Variants in PITRM1 observed in about 807,000 individuals in gnomAD.
The protein encoded by PITRM1 is presequence protease, mitochondrial.
PITRM1 carries 100 observed loss-of-function variants against 129.9 expected under a neutral mutation model. That is an observed-to-expected ratio of 0.77 (90% confidence interval 0.65 to 0.91). The LOEUF is 0.91. PITRM1 is among the 40% of genes least tolerant of loss of function. The probability of loss-of-function intolerance (pLI) is 0.00; values close to 1 mark genes in which losing one functional copy is unlikely to be tolerated. For synonymous variants in PITRM1, 591 were observed against 508.8 expected, an observed-to-expected ratio of 1.16 and a Z score of -2.17; for missense variants, 1,471 against 1,318.3, an observed-to-expected ratio of 1.12 and a Z score of -1.79.
chr10:3,145,697 G>C lies in PITRM1; in HGVS notation c.2356C>G (p.Pro786Ala). 5.8e-6 allele frequency: 9 copies of C among 1,550,492 alleles called. No homozygotes were observed. The highest frequency in any genetic ancestry group is 7.9e-6 in the Non-Finnish European group (9 of 1,145,836). Residue 786 changes from proline to alanine, a missense_variant, in exon 21 of 27, where the codon CCT becomes GCT. Transcript: ENST00000224949. ...DNMRCSVNAT[P>A]QQMPQTEKAV... ...TTTTCTGTCTGAGGCATCTGCTGAG[G>C]AGTCGCATTCACTGAACACCTGTTT...
At chr10:3,155,352 G>A (rs1231429649) in intron 14 of PITRM1, among the ~76,000 whole-genome samples, 1 of 152,212 alleles carries the variant, frequency 6.6e-6, no homozygotes, top group Non-Finnish European at 1.5e-5. Context: ...TACAAAATCT[G>A]TAAAATAAAT....
intron 23 of PITRM1, among the ~76,000 whole-genome samples, 157 bp from the exon 24 acceptor site, chr10:3,140,969 G>T (rs1303720536): frequency 6.6e-6 from 1 of 152,182 alleles, no homozygotes; most frequent in Non-Finnish European, 1.5e-5. Context: ...AAGAGATGGG[G>T]TCTCGCTCTG....
At chr10:3,158,280 A>G in intron 10 of PITRM1, 127 bp from the exon 11 acceptor site, 1 of 646,458 alleles carries the variant, frequency 1.5e-6, no homozygotes, top group South Asian at 1.7e-5. Context: ...AAAGCTCATT[A>G]AAGCAGTGTT....
chr10:3,161,659 TGTGC>T (rs1215589311), intron 7 of PITRM1, among the ~76,000 whole-genome samples: 1 of 143,000 alleles, frequency 7.0e-6, no homozygotes, highest in Admixed American at 7.3e-5. Context: ...AGGGCCCGGC[TGTGC>T]GTGCATTAGG....
chr10:3,144,495 A>G, intron 21 of PITRM1, 129 bp from the exon 22 acceptor site: 2 of 608,408 alleles, frequency 3.3e-6, no homozygotes, highest in South Asian at 4.2e-5. Context: ...TGTTTTAAAT[A>G]ATAAACGCTT....
At position 3,158,074 on chromosome 10, in the gene PITRM1, T is replaced by G; in HGVS notation, c.1216A>C (p.Ser406Arg). The G allele has an allele frequency of 1.2e-6, 2 of 1,610,938 alleles. No individual in the cohort carries two copies. Among genetic ancestry groups the G allele is most frequent in the Non-Finnish European group, 1.7e-6 (2 of 1,177,090 alleles). ...TCATCAATCGTTCTGTCTATGAGGC[T>G]TCTGACGGTCTCAATGTCTTTCTCC... ...IAEKDIETVRSLIDRTIDEVV... is the reference protein window; with the variant it reads ...IAEKDIETVRRLIDRTIDEVV... The change falls in exon 11 of 27, where the codon AGC becomes CGC. Residue 406 changes from serine to arginine, a missense_variant. Coordinates refer to ENST00000224949, the MANE Select transcript of PITRM1 (RefSeq NM_014889.4).
chr10:3,138,859 C>T (rs759220383), intron 25 of PITRM1, 45 bp downstream of exon 25: 2 of 1,598,928 alleles, frequency 1.3e-6, no homozygotes, highest in Non-Finnish European at 1.7e-6. Context: ...GCAACGTCAT[C>T]TGTGAGGCTG....
chr10:3,138,425 C>A (rs1839810840), intron 25 of PITRM1, 88 bp from the exon 26 acceptor site: 5 of 841,030 alleles, frequency 5.9e-6, no homozygotes, highest in East Asian at 2.5e-5. Context: ...GGGACACAGG[C>A]ATCTCACTGT....
chr10:3,160,086 G>T, intron 8 of PITRM1, 118 bp downstream of exon 8: 3 of 1,287,952 alleles, frequency 2.3e-6, no homozygotes, highest in Non-Finnish European at 3.3e-6. Context: ...AGCTTGAAAA[G>T]CTCTCCCATA....
At chr10:3,164,398 G>C (rs1243658784) in intron 6 of PITRM1, 1 of 152,402 alleles carries the variant, frequency 6.6e-6, no homozygotes, top group Non-Finnish European at 1.5e-5. Context: ...GGGACATGAA[G>C]ACATGGGCCC....
intron 2 of PITRM1, 48 bp downstream of exon 2, chr10:3,170,056 C>T (rs1446093758): frequency 2.1e-6 from 3 of 1,398,082 alleles, no homozygotes; most frequent in African/African-American, 1.4e-5. Context: ...AGAAGCCGCA[C>T]CTGCAATGTA....
In PITRM1 at chr10:3,147,690, G is replaced by A. The variant is rs1030843434; in HGVS notation, c.2117C>T (p.Thr706Ile). ...EEHFKVLVKMTAQELANGIPD... is the reference protein window; with the variant it reads ...EEHFKVLVKMIAQELANGIPD... ...AATTCCATTGGCGAGCTCCTGGGCG[G>A]TCATCTTCACCAGCACCTTGAAGTG... Residue 706 changes from threonine to isoleucine, a missense_variant, in exon 19 of 27, where the codon ACC becomes ATC. Transcript: ENST00000224949. 3 of 1,612,820 alleles carry A rather than the reference G, an allele frequency of 1.9e-6. No individual in the cohort carries two copies. Among genetic ancestry groups the A allele is most frequent in the Non-Finnish European group, 2.5e-6 (3 of 1,179,430 alleles).
At chr10:3,150,962 AC>A (rs1841459297) in intron 15 of PITRM1, among the ~76,000 whole-genome samples, 1 of 152,060 alleles carries the variant, frequency 6.6e-6, no homozygotes, top group African/African-American at 2.4e-5. Context: ...TCACAGCGTA[AC>A]CCAAATCCTC....
intron 4 of PITRM1, 151 bp downstream of exon 4, chr10:3,166,078 A>C: frequency 1.7e-6 from 1 of 601,712 alleles, no homozygotes; most frequent in South Asian, 2.7e-5. Context: ...TGAAGGATTA[A>C]ATTTCTAATG....
chr10:3,155,845 TA>T (rs1320397061), intron 13 of PITRM1, 116 bp from the exon 14 acceptor site: 4 of 1,152,476 alleles, frequency 3.5e-6, no homozygotes, highest in African/African-American at 3.1e-5. Flanking sequence ...TTTCCCACTT[TA>T]AAAATAGTAA....
chr10:3,172,324 A>G (rs4881118), intron 1 of PITRM1: 345,867 of 497,410 alleles, frequency 0.7, 120,825 homozygotes, highest in East Asian at 0.74. Flanking sequence ...GACTTTAAGT[A>G]TGGGCTGTGG....
chr10:3,153,575 T>C (rs1341843777), intron 14 of PITRM1, among the ~76,000 whole-genome samples: 4 of 151,576 alleles, frequency 2.6e-5, no homozygotes, highest in African/African-American at 9.7e-5. Context: ...GCCGAGATCG[T>C]GCCACTGCAC....
chr10:3,166,976 A>C lies in PITRM1; in HGVS notation c.226T>G (p.Tyr76Asp), dbSNP rs1326933077. Residue 76 changes from tyrosine (Y) to aspartate (D), a missense_variant, in exon 3 of 27, where the codon TAT becomes GAT. By Grantham distance (160) the Tyr-to-Asp change is radical. Transcript: ENST00000224949. Reference protein sequence around the residue: ...KLTHDDTGARYLHLAREDTNN... With the variant: ...KLTHDDTGARDLHLAREDTNN... ...GTGTCTTCTCTGGCCAGGTGTAAAT[A>C]CCTGGCTCCTGTGTCATCATGGGTG... 7.4e-6 allele frequency: 12 copies of C among 1,611,362 alleles called. No individual in the cohort carries two copies. The highest frequency in any genetic ancestry group is 1.0e-5 in the Non-Finnish European group (12 of 1,178,520).
intron 4 of PITRM1, 51 bp from the exon 5 acceptor site, chr10:3,165,578 AATT>A: frequency 9.4e-7 from 1 of 1,069,398 alleles, no homozygotes; most frequent in Middle Eastern, 2.0e-4. Flanking sequence ...TTTCTACTAA[AATT>A]ATTGACTCTC....
Sources: gnomAD v4.1 joint callset for allele counts (sites outside exome capture counted in the v4.1 genomes callset) on GRCh38, gnomAD v4.1.1 for gene constraint, MANE v1.5 for transcripts, NCBI Gene and HGNC (gene_info 2026-07-23, HGNC 2026-07-21) for gene names.